UMODL1: variants seen among roughly 807,000 people sequenced by gnomAD.
UMODL1 encodes uromodulin like 1, also known as uromodulin-like 1.
UMODL1 carries 128 observed loss-of-function variants against 136.3 expected under a neutral mutation model. The observed-to-expected ratio is 0.94, with a 90% CI of 0.81 to 1.09. UMODL1 has a LOEUF of 1.09. Ranked by LOEUF, UMODL1 falls within the 50% of genes least tolerant of loss-of-function variation. The probability of loss-of-function intolerance (pLI) is 0.00; values close to 1 mark genes in which losing one functional copy is unlikely to be tolerated. For missense variants in UMODL1, 1,766 were observed against 1,725.6 expected, an observed-to-expected ratio of 1.02 and a Z score of -0.41; for synonymous variants, 721 against 720.0, an observed-to-expected ratio of 1.00 and a Z score of -0.02.
At chr21:42,065,802 G>C (rs980645259) in intron 1 of UMODL1, among the ~76,000 whole-genome samples, 1 of 152,076 alleles carries the variant, frequency 6.6e-6, no homozygotes, top group African/African-American at 2.4e-5. Flanking sequence ...AAAGTGTTGG[G>C]ATTTCAGGAG....
In UMODL1 at chr21:42,086,786, C is replaced by T. The variant is rs2066431737; in HGVS notation, c.603+1374C>T. Among the ~76,000 whole-genome samples the T allele has an allele frequency of 4.6e-5, 7 of 152,318 alleles. No individual in the cohort carries two copies. In the South Asian group the frequency reaches 1.2e-3, roughly 27 times the overall value. On this transcript the variant is annotated intron_variant, in intron 4 of 22. Coordinates refer to ENST00000408910, the MANE Select transcript of UMODL1 (RefSeq NM_001004416.3). The stretch of plus-strand genomic sequence containing the variant: ...TTAAAGACCAGCCTGGCCAACATGG[C>T]GAAACCCTGTCTCTACTAGAAATCC...
At chr21:42,064,929 G>A (rs1443878457) in intron 1 of UMODL1, among the ~76,000 whole-genome samples, 3 of 152,108 alleles carry the variant, frequency 2.0e-5, no homozygotes, top group African/African-American at 2.4e-5. Flanking sequence ...GACAAAGAGC[G>A]CATATCTGAG....
intron 2 of UMODL1, 21 bp downstream of exon 2, chr21:42,076,268 C>T: frequency 1.2e-6 from 2 of 1,612,536 alleles, no homozygotes; most frequent in South Asian, 2.2e-5. Context: ...GGCTGCTGGG[C>T]TGGGGCGGGG....
rs553949698 is a variant in UMODL1, at chr21:42,137,068, T to C, written c.3776-371T>C. ...ACTGCGCCCAGCCTGCACTCTCTATTTTTTAATTGCTCCTCTGGGTCTGGG... is the reference window on the plus strand; with the variant it reads ...ACTGCGCCCAGCCTGCACTCTCTATCTTTTAATTGCTCCTCTGGGTCTGGG... On this transcript the variant is annotated intron_variant, in intron 21 of 22. Transcript: ENST00000408910. Among the ~76,000 whole-genome samples the C allele has an allele frequency of 5.9e-5, 9 of 152,316 alleles. No homozygotes were observed. The East Asian group carries it at 1.7e-3, about 29-fold the overall frequency.
At chr21:42,063,135 G>A (rs547844817) in exon 1 of UMODL1, 2 of 152,394 alleles carry the variant, frequency 1.3e-5, no homozygotes, top group South Asian at 4.1e-4. Flanking sequence ...TTGTAAGGAT[G>A]CCAGTCATTG....
At chr21:42,079,895 G>A (rs374651059) in intron 2 of UMODL1, among the ~76,000 whole-genome samples, 9 of 152,350 alleles carry the variant, frequency 5.9e-5, no homozygotes, top group East Asian at 1.9e-4. Flanking sequence ...TGGCTGTGGC[G>A]ACTGTGGGAG....
In UMODL1 at chr21:42,085,408, C is replaced by T. The variant is rs2066414482; in HGVS notation, c.599C>T (p.Ser200Phe). 1.2e-6 allele frequency: 2 copies of T among 1,613,756 alleles called. No individual in the cohort carries two copies. Among genetic ancestry groups the T allele is most frequent in the Admixed American group, 3.3e-5 (2 of 60,000 alleles). Residue 200 changes from serine (S) to phenylalanine (F), a missense_variant, in exon 4 of 23, where the codon TCC becomes TTC. Coordinates refer to ENST00000408910, the MANE Select transcript of UMODL1 (RefSeq NM_001004416.3). This position sits in a 1 kb window ranked among gnomAD's most constrained non-coding sequence, Gnocchi z 4.5. Reference protein sequence around the residue: ...RLLNHMRLLHSLVTSALQPMA... With the variant: ...RLLNHMRLLHFLVTSALQPMA... Reference sequence around the variant, plus strand: ...CTGAACCACATGCGCCTTCTGCATTCCTTGGTAGGTGAGACAGACGGGGGC... The same window carrying T: ...CTGAACCACATGCGCCTTCTGCATTTCTTGGTAGGTGAGACAGACGGGGGC...
chr21:42,116,767 A>G (rs1237859537), intron 14 of UMODL1, among the ~76,000 whole-genome samples: 2 of 152,074 alleles, frequency 1.3e-5, no homozygotes, highest in East Asian at 1.9e-4. Flanking sequence ...CCAAAAAGAA[A>G]CCTTATACCC....
chr21:42,126,300 G>A, intron 17 of UMODL1, 45 bp from the exon 18 acceptor site: 1 of 1,609,574 alleles, frequency 6.2e-7, no homozygotes, highest in Non-Finnish European at 8.5e-7. Flanking sequence ...GGCGTGGGGG[G>A]CCGGCTGGGG....
chr21:42,090,271 T>C (rs1026518101), intron 5 of UMODL1, 27 bp from the exon 6 acceptor site: 3 of 1,613,498 alleles, frequency 1.9e-6, no homozygotes, highest in Non-Finnish European at 2.5e-6. Flanking sequence ...GACTGCTGAG[T>C]GTGGGTCCTG....
intron 21 of UMODL1, among the ~76,000 whole-genome samples, chr21:42,136,583 C>T (rs1342939404): frequency 6.6e-6 from 1 of 152,176 alleles, no homozygotes; most frequent in Non-Finnish European, 1.5e-5. Context: ...CACGGTGGGG[C>T]CACAATGTAT....
upstream of UMODL1, among the ~76,000 whole-genome samples, chr21:42,068,051 C>T (rs55950363): frequency 0.05 from 7,637 of 152,084 alleles, 456 homozygotes; most frequent in African/African-American, 0.14. The surrounding 1 kb of genome is among the most constrained non-coding windows in gnomAD (Gnocchi z 5.5). Flanking sequence ...CAGAAGGGTC[C>T]GAAGGCTGCC....
rs73373640 is a variant in UMODL1 at position 42,127,976 on chromosome 21, C to T, written c.3690+145C>T. On this transcript the variant is annotated intron_variant, in intron 20 of 22. Coordinates refer to ENST00000408910, the MANE Select transcript of UMODL1 (RefSeq NM_001004416.3). ...GTCGCTGTGCCTGTCCTGCAGACTC[C>T]GCGTCTGAAATGGTATTTCCACGGC... is the stretch of plus-strand genomic sequence containing the variant. 1,412 of 1,061,348 alleles carry T rather than the reference C, an allele frequency of 1.3e-3. 13 individuals are homozygous for T. The African/African-American group carries it at 0.018, about 13-fold the overall frequency. 65.7% of individuals were successfully genotyped at this position (1,061,348 alleles called of 1,614,324 possible). A position where few individuals can be genotyped will look rare whatever the true frequency, so the allele number is the denominator to read the frequency against.
chr21:42,129,611 A>G, intron 20 of UMODL1, 102 bp from the exon 21 acceptor site: 1 of 1,087,164 alleles, frequency 9.2e-7, no homozygotes, highest in African/African-American at 1.6e-5. Flanking sequence ...TTCTAGCAGG[A>G]TAAAATCGCA....
intron 9 of UMODL1, among the ~76,000 whole-genome samples, chr21:42,106,261 C>T (rs1202780182): frequency 6.6e-6 from 1 of 152,226 alleles, no homozygotes; most frequent in African/African-American, 2.4e-5. Context: ...AGGGGGACAT[C>T]CACCCCCGCT....
chr21:42,107,264 T>C (rs1304942487), intron 9 of UMODL1, among the ~76,000 whole-genome samples: 2 of 152,196 alleles, frequency 1.3e-5, no homozygotes, highest in Non-Finnish European at 2.9e-5. Flanking sequence ...TGCACCGACC[T>C]TAGCCAGAGG....
intron 7 of UMODL1, 51 bp from the exon 8 acceptor site, chr21:42,102,115 C>T: frequency 7.2e-7 from 1 of 1,388,612 alleles, no homozygotes; most frequent in African/African-American, 1.4e-5. Flanking sequence ...CATTAACAGA[C>T]AAGTGTGTGA....
At chr21:42,126,005 C>T (rs139529909) in intron 17 of UMODL1, among the ~76,000 whole-genome samples, 76 of 152,316 alleles carry the variant, frequency 5.0e-4, no homozygotes, top group African/African-American at 1.7e-3. Flanking sequence ...GGGAATTTGT[C>T]TCTGATGACT....
intron 9 of UMODL1, among the ~76,000 whole-genome samples, chr21:42,109,167 G>C (rs946915522): frequency 2.0e-5 from 3 of 149,784 alleles, no homozygotes; most frequent in Non-Finnish European, 4.4e-5. Context: ...ACTCAGCTGT[G>C]TCCCCACCCC....
Sources: allele counts gnomAD v4.1 joint callset (sites outside exome capture counted in the v4.1 genomes callset), GRCh38; gene constraint gnomAD v4.1.1; non-coding constraint Gnocchi (gnomAD v3.1); transcripts MANE v1.5; gene names NCBI Gene and HGNC (gene_info 2026-07-23, HGNC 2026-07-21).